The following MCF2L variants were observed in gnomAD, a reference collection of about 807,000 sequenced individuals.
The protein encoded by MCF2L is MCF.2 cell line derived transforming sequence like.
A neutral mutation model predicts 153.4 loss-of-function variants in MCF2L; 97 were observed. That is an observed-to-expected ratio of 0.63 (90% CI 0.54 to 0.75). The LOEUF is 0.75. MCF2L is among the 30% of genes least tolerant of loss of function. The pLI is 0.00. For missense variants in MCF2L, 1,347 were observed against 1,495.2 expected (o/e 0.90, Z 1.64); for synonymous variants, 659 against 632.2 (o/e 1.04, Z -0.64).
At chr13:112,954,073 C>A (rs552006924) in intron 2 of MCF2L, among the ~76,000 whole-genome samples, 1 of 152,152 alleles carries the variant, frequency 6.6e-6, no homozygotes, top group Non-Finnish European at 1.5e-5. Context: ...CCTGATGTTG[C>A]GAAGTGAGGT....
intron 1 of MCF2L, among the ~76,000 whole-genome samples, chr13:113,002,884 A>G (rs940811755): frequency 6.6e-6 from 1 of 152,106 alleles, no homozygotes; most frequent in Admixed American, 6.6e-5. Context: ...AAAGTAAAGA[A>G]CTGGCTGGGT....
intron 5 of MCF2L, chr13:113,063,894 T>C (rs2031951290): frequency 2.2e-6 from 1 of 450,234 alleles, no homozygotes; most frequent in South Asian, 1.6e-5. Flanking sequence ...CGGTGATTTC[T>C]GTGAAACCCA....
chr13:112,918,569 A>G (rs1308683476), intron 2 of MCF2L, among the ~76,000 whole-genome samples: 1 of 152,138 alleles, frequency 6.6e-6, no homozygotes, highest in Non-Finnish European at 1.5e-5. Context: ...GGGGGGATGC[A>G]GCCTGGGGGA....
chr13:112,902,352 G>A (rs2081127354), exon 2 of MCF2L: 2 of 1,612,488 alleles, frequency 1.2e-6, no homozygotes, highest in African/African-American at 1.3e-5. Flanking sequence ...ACACACCGGA[G>A]GCGACGGCCA....
chr13:113,026,858 T>C, intron 3 of MCF2L: 1 of 722,562 alleles, frequency 1.4e-6, no homozygotes, highest in South Asian at 1.5e-5. Context: ...CCCAGTTCTG[T>C]GTCTCCCCAG....
chr13:112,943,501 G>A lies in MCF2L; in HGVS notation c.169+41130G>A, dbSNP rs34195587. ...CGGCGGCCCGGGCTTTGAGAGACGG[G>A]CCGCTCTTCCCGGCGCGGTGCCTTC... On this transcript the variant is annotated intron_variant, in intron 2 of 29. Coordinates refer to the MCF2L transcript ENST00000375608. The surrounding 1 kb of genome is among the most constrained non-coding windows in gnomAD (Gnocchi z 4.2). Among the ~76,000 whole-genome samples, 46,765 of 151,878 alleles carry A rather than the reference G, an allele frequency of 0.31. 7,895 individuals carry two copies. Among genetic ancestry groups the A allele is most frequent in the South Asian group, 0.5 (2,386 of 4,812 alleles).
chr13:113,014,813 G>T lies in MCF2L; in HGVS notation c.130G>T (p.Asp44Tyr), dbSNP rs532612552. The T allele has an allele frequency of 6.2e-7, 1 of 1,614,070 alleles. No individual in the cohort carries two copies. The highest frequency in any genetic ancestry group is 1.7e-5 in the Admixed American group (1 of 60,026). Residue 44 changes from aspartate (D) to tyrosine (Y), a missense_variant, in exon 2 of 30, where the codon GAC becomes TAC. Transcript: ENST00000535094. ...CCCGCTCTGTGCTGCCGACATCCAG[G>T]ACCAGCTAAAGAAGCGCTTTGCTTA... ...IVPLCAADIQ[D>Y]QLKKRFAYLS...
At chr13:112,970,857 G>A (rs1335582314) in intron 1 of MCF2L, among the ~76,000 whole-genome samples, 1 of 152,170 alleles carries the variant, frequency 6.6e-6, no homozygotes, top group African/African-American at 2.4e-5. Flanking sequence ...GTGCGAGCCG[G>A]GCGCTCGGTG....
intron 11 of MCF2L, 40 bp from the exon 12 acceptor site, chr13:113,075,926 C>G (rs768173376): frequency 2.6e-6 from 4 of 1,521,156 alleles, no homozygotes; most frequent in Non-Finnish European, 3.6e-6. Flanking sequence ...CTCTCACCCT[C>G]TCACGGCGTC....
Position 112,944,623 on chromosome 13 carries a change from G to A in MCF2L, c.169+42252G>A, listed in dbSNP as rs577559534. 4.1e-3 allele frequency among the ~76,000 whole-genome samples: 613 copies of A among 148,046 alleles called. 2 individuals carry two copies. Among genetic ancestry groups the A allele is most frequent in the African/African-American group, 0.015 (598 of 40,104 alleles). On this transcript the variant is annotated intron_variant, in intron 2 of 29. Transcript: ENST00000375608. ...GTCTCGCTCTGTCGCCCAGGCTGGA[G>A]TGCAGTGGCGCAACCTCGGCTCACG...
chr13:113,096,100 C>G (rs2035624632), intron 27 of MCF2L: 4 of 555,842 alleles, frequency 7.2e-6, no homozygotes, highest in Non-Finnish European at 9.5e-6. Flanking sequence ...CGCAAAGGCC[C>G]TGGGGCCGAG....
At chr13:113,039,893 T>C (rs2086374093) in intron 3 of MCF2L, among the ~76,000 whole-genome samples, 1 of 152,232 alleles carries the variant, frequency 6.6e-6, no homozygotes, top group Non-Finnish European at 1.5e-5. Flanking sequence ...CCTAAGAATA[T>C]GTCCAACAGG....
At chr13:113,029,194 C>T (rs920498396) in intron 3 of MCF2L, among the ~76,000 whole-genome samples, 5 of 152,296 alleles carry the variant, frequency 3.3e-5, no homozygotes, top group South Asian at 2.1e-4. Context: ...AGCTGCGGGC[C>T]TGTAAGAGCC....
At chr13:113,033,914 A>C (rs3011507) in intron 3 of MCF2L, 122,389 of 166,964 alleles carry the variant, frequency 0.73, 45,032 homozygotes, top group East Asian at 0.85. Flanking sequence ...ACTGGGGACA[A>C]GTCGCGGAGG....
At chr13:113,063,035 G>A (rs567475239) in intron 5 of MCF2L, among the ~76,000 whole-genome samples, 21 of 152,340 alleles carry the variant, frequency 1.4e-4, no homozygotes, top group African/African-American at 4.1e-4. Flanking sequence ...TCAGAGCACT[G>A]TTTGATGATG....
In MCF2L at chr13:113,078,667, G is replaced by A; in HGVS notation, c.1736G>A (p.Ser579Asn). 1 of 1,611,970 alleles carries A rather than the reference G, an allele frequency of 6.2e-7. No individual in the cohort carries two copies. The highest frequency in any genetic ancestry group is 1.3e-5 in the African/African-American group (1 of 75,062). The part of the protein sequence containing the change: ...LRRGPYRRAK[S>N]EMSESRQGRG... ...ACCTGACGCTGTTTTTCTCCCCAGA[G>A]TGAGATGAGTGAGAGCCGGCAGGGC... is the stretch of plus-strand genomic sequence containing the variant. Residue 579 changes from serine to asparagine, a missense_variant and splice_region_variant, in exon 15 of 30, where the codon AGT (serine) becomes AAT (asparagine). Physicochemically the swap from Ser to Asn is conservative, Grantham distance 46 (BLOSUM62 1). Around this residue, in one of 3 missense-constraint regions of MCF2L, gnomAD observed 820 missense variants for 921.2 expected, o/e 0.89. Transcript: ENST00000535094.
At chr13:112,972,245 GTGGGTGGGTGGATGGA>G (rs1430039838) in intron 1 of MCF2L, among the ~76,000 whole-genome samples, 2 of 151,262 alleles carry the variant, frequency 1.3e-5, no homozygotes, top group Non-Finnish European at 3.0e-5. Flanking sequence ...GGGTAGATGG[GTGGGTGGGTGGATGGA>G]TGGGTGGGTG....
Position 113,085,073 on chromosome 13 carries a change from G to T in MCF2L, c.2155-13G>T. On this transcript the variant is annotated splice_polypyrimidine_tract_variant and intron_variant, in intron 19 of 29. Transcript: ENST00000535094. ...GAAAATTGTGCAAACCAAAGGCTCT[G>T]GGTTGGTTCCAGGAATGCCAGAGAA... is the stretch of plus-strand genomic sequence containing the variant. 1 of 1,613,490 alleles carries T rather than the reference G, an allele frequency of 6.2e-7. No individual in the cohort carries two copies. The highest frequency in any genetic ancestry group is 8.5e-7 in the Non-Finnish European group (1 of 1,179,724).
intron 2 of MCF2L, among the ~76,000 whole-genome samples, chr13:112,918,720 T>C (rs1220803379): frequency 1.3e-5 from 2 of 152,182 alleles, no homozygotes; most frequent in Non-Finnish European, 2.9e-5. Context: ...ATAAACATTA[T>C]ATGCAGAGCA....
Sources: allele counts gnomAD v4.1 joint callset (sites outside exome capture counted in the v4.1 genomes callset), GRCh38; gene constraint gnomAD v4.1.1; regional missense constraint gnomAD v4.1.1; non-coding constraint Gnocchi (gnomAD v3.1); transcripts MANE v1.5; gene names NCBI Gene and HGNC (gene_info 2026-07-23, HGNC 2026-07-21).